FYCO1: variants seen among roughly 807,000 people sequenced by gnomAD.
FYCO1 encodes FYVE and coiled-coil domain-containing protein 1.
FYCO1 carries 122 observed loss-of-function variants against 165.1 expected under a neutral mutation model. That is an observed-to-expected ratio of 0.74 (90% CI 0.64 to 0.86). The LOEUF (loss-of-function observed/expected upper bound fraction) is 0.86. Ranked by LOEUF, FYCO1 falls within the 40% of genes least tolerant of loss-of-function variation. The probability of loss-of-function intolerance (pLI) is 0.00; values close to 1 mark genes in which losing one functional copy is unlikely to be tolerated. For synonymous variants in FYCO1, 648 were observed against 742.5 expected (o/e 0.87, Z 2.07); for missense variants, 1,702 against 1,810.3 (o/e 0.94, Z 1.09).
At chr3:45,987,002 T>C (rs1419074790) in intron 1 of FYCO1, among the ~76,000 whole-genome samples, 1 of 152,102 alleles carries the variant, frequency 6.6e-6, no homozygotes, top group Non-Finnish European at 1.5e-5. Context: ...CCAGATACAA[T>C]GGAAGAGGCT....
At chr3:45,983,708 G>A (rs1410262970) in intron 2 of FYCO1, among the ~76,000 whole-genome samples, 1 of 152,178 alleles carries the variant, frequency 6.6e-6, no homozygotes, top group Non-Finnish European at 1.5e-5. Flanking sequence ...GCAGAGACTG[G>A]CATTTCACTT....
At chr3:45,929,235 C>T (rs997789386) in intron 16 of FYCO1, among the ~76,000 whole-genome samples, 4 of 152,220 alleles carry the variant, frequency 2.6e-5, no homozygotes, top group African/African-American at 9.6e-5. Context: ...GCCCCTTCTG[C>T]CCCCTGGTGT....
At chr3:45,965,785 G>A (rs896296998) in intron 8 of FYCO1, among the ~76,000 whole-genome samples, 12 of 152,314 alleles carry the variant, frequency 7.9e-5, no homozygotes, top group Admixed American at 2.6e-4. Flanking sequence ...CCAAGTCAGG[G>A]CTCTCACACT....
chr3:45,951,421 C>T (rs1343473429), intron 14 of FYCO1, among the ~76,000 whole-genome samples: 2 of 152,210 alleles, frequency 1.3e-5, no homozygotes, highest in African/African-American at 4.8e-5. Flanking sequence ...TCAAGCTCTT[C>T]ACCACCATAC....
In FYCO1 at chr3:45,928,453, T is replaced by C. The variant is rs1269952148; in HGVS notation, c.4251+2618A>G. 4.6e-5 allele frequency among the ~76,000 whole-genome samples: 7 copies of C among 152,270 alleles called. No individual in the cohort carries two copies. In the East Asian group the frequency reaches 9.6e-4, roughly 21 times the overall value. ...CACTGGTAACCTGGTTCATAATTTC[T>C]TTCATCAAGTGCCTCCCCTAGATTC... On this transcript the variant is annotated intron_variant, in intron 16 of 17. Coordinates refer to ENST00000296137, the MANE Select transcript of FYCO1 (RefSeq NM_024513.4).
intron 16 of FYCO1, among the ~76,000 whole-genome samples, chr3:45,926,202 A>G (rs1031429604): frequency 2.0e-5 from 3 of 152,218 alleles, no homozygotes; most frequent in South Asian, 2.1e-4. Context: ...TAAACATTCC[A>G]ATGAAAAGGC....
At position 45,966,814 on chromosome 3, in the gene FYCO1, G is replaced by A. The variant is rs137920033; in HGVS notation, c.2520C>T (p.Ala840=). Residue 840 remains alanine (A), a synonymous_variant, in exon 8 of 18, where the codon GCC becomes GCT. Coordinates refer to ENST00000296137, the MANE Select transcript of FYCO1 (RefSeq NM_024513.4). ...AGCATTGCAGCAGCTCCTGGACATGGGCTCTGTTAAGGGCTTCATTCTGCT... is the reference window on the plus strand; with the variant it reads ...AGCATTGCAGCAGCTCCTGGACATGAGCTCTGTTAAGGGCTTCATTCTGCT... ...LKEQNEALNR[A]HVQELLQCSE... The A allele has an allele frequency of 6.8e-6, 11 of 1,610,318 alleles. No homozygotes were observed. The highest frequency in any genetic ancestry group is 1.3e-5 in the African/African-American group (1 of 74,934).
intron 14 of FYCO1, among the ~76,000 whole-genome samples, chr3:45,950,153 C>T (rs1704914664): frequency 6.6e-6 from 1 of 152,034 alleles, no homozygotes; most frequent in Non-Finnish European, 1.5e-5. Flanking sequence ...TCTGCTTGTC[C>T]ACACCAGCAC....
At chr3:45,991,891 A>G (rs1338034649) in intron 1 of FYCO1, among the ~76,000 whole-genome samples, 1 of 152,226 alleles carries the variant, frequency 6.6e-6, no homozygotes, top group Non-Finnish European at 1.5e-5. Context: ...TGAGGCCATG[A>G]GAGTGGGCCC....
chr3:45,975,970 A>G (rs955121633), intron 4 of FYCO1, among the ~76,000 whole-genome samples: 1 of 152,168 alleles, frequency 6.6e-6, no homozygotes, highest in African/African-American at 2.4e-5. Context: ...CCATCAGTAA[A>G]ATCTACAAGT....
intron 14 of FYCO1, chr3:45,948,103 A>G (rs552334052): frequency 2.8e-3 from 476 of 167,584 alleles, no homozygotes; most frequent in Non-Finnish European, 4.5e-3. Flanking sequence ...GAATTATAAG[A>G]GGCTGATAAT....
At position 45,964,133 on chromosome 3, in the gene FYCO1, T is replaced by C. The variant is rs147149891; in HGVS notation, c.3269+203A>G. On this transcript the variant is annotated intron_variant, in intron 10 of 17. Coordinates refer to ENST00000296137, the MANE Select transcript of FYCO1 (RefSeq NM_024513.4). This position sits in a 1 kb window ranked among gnomAD's most constrained non-coding sequence, Gnocchi z 4.1. ...GAAGAAAATTGAGTTAGGAGAAAGGTGCTTTAGCCGTGTATAGGTTGTGAT... is the reference window on the plus strand; with the variant it reads ...GAAGAAAATTGAGTTAGGAGAAAGGCGCTTTAGCCGTGTATAGGTTGTGAT... 1.6e-3 allele frequency among the ~76,000 whole-genome samples: 247 copies of C among 152,310 alleles called. No homozygotes were observed. The highest frequency in any genetic ancestry group is 6.8e-3 in the Middle Eastern group (2 of 294).
At chr3:45,983,632 T>G (rs1311141371) in intron 2 of FYCO1, among the ~76,000 whole-genome samples, 1 of 152,194 alleles carries the variant, frequency 6.6e-6, no homozygotes, top group Non-Finnish European at 1.5e-5. Context: ...AACCAGATAT[T>G]GAAACACAGA....
At chr3:45,971,507 G>T (rs1388639956) in intron 6 of FYCO1, among the ~76,000 whole-genome samples, 1 of 152,106 alleles carries the variant, frequency 6.6e-6, no homozygotes, top group Non-Finnish European at 1.5e-5. Flanking sequence ...AAATGACCAG[G>T]GTTAACCTCA....
chr3:45,966,225 C>T (rs375960247), intron 8 of FYCO1, 52 bp downstream of exon 8: 17 of 1,591,928 alleles, frequency 1.1e-5, no homozygotes, highest in African/African-American at 1.3e-5. Flanking sequence ...ATGGACCCAC[C>T]AGGCCTGCCC....
In FYCO1 at chr3:45,968,425, C is replaced by T. The variant is rs369825402; in HGVS notation, c.909G>A (p.Glu303=). The T allele has an allele frequency of 2.5e-6, 4 of 1,613,926 alleles. No individual in the cohort carries two copies. Among genetic ancestry groups the T allele is most frequent in the Non-Finnish European group, 3.4e-6 (4 of 1,179,966 alleles). ...CLVAELQKQW[E]VTQATQNTVK... ...CAGTGTTCTGGGTGGCCTGGGTGAC[C>T]TCCCACTGCTTCTGGAGCTCAGCTA... The change falls in exon 8 of 18, where the codon GAG becomes GAA. Residue 303 remains glutamate (E), a synonymous_variant. Transcript: ENST00000296137.
chr3:45,918,340 C>T lies in FYCO1; in HGVS notation c.*3425G>A, dbSNP rs867879987. The T allele has an allele frequency of 1.3e-5, 2 of 152,140 alleles. No individual in the cohort carries two copies. Among genetic ancestry groups the T allele is most frequent in the South Asian group, 4.1e-4 (2 of 4,822 alleles). The allele number at this position is 152,140 out of a possible 1,614,324, so 9.4% of individuals were successfully genotyped here. On this transcript the variant is annotated 3_prime_UTR_variant, in exon 18 of 18. Transcript: ENST00000296137. ...AAAGAGAGAATTATTAATTCAGTCT[C>T]TCCTGTTTCCTTGGAAGAAACATAA...
chr3:45,992,188 T>C (rs1707591391), intron 1 of FYCO1, among the ~76,000 whole-genome samples: 1 of 152,180 alleles, frequency 6.6e-6, no homozygotes, highest in Admixed American at 6.5e-5. Context: ...GGCCCTTGTC[T>C]CTCCATTCCT....
intron 4 of FYCO1, among the ~76,000 whole-genome samples, chr3:45,978,824 ATGTGAAGTATGTG>A (rs1295238545): frequency 1.2e-3 from 184 of 151,218 alleles, no homozygotes; most frequent in African/African-American, 4.4e-3. Flanking sequence ...GTGAGTGTGT[ATGTGAAGTATGTG>A]TGTGTGTTTG....
Sources: gnomAD v4.1 joint callset for allele counts (sites outside exome capture counted in the v4.1 genomes callset) on GRCh38, gnomAD v4.1.1 for gene constraint, Gnocchi (gnomAD v3.1) non-coding constraint, MANE v1.5 for transcripts, NCBI Gene and HGNC (gene_info 2026-07-23, HGNC 2026-07-21) for gene names.